The following HERC3 variants were observed in gnomAD, a reference collection of about 807,000 sequenced individuals.
HERC3 encodes the protein HECT and RLD domain containing E3 ubiquitin protein ligase 3.
HERC3 carries 58 observed loss-of-function variants against 129.9 expected under a neutral mutation model. The observed-to-expected ratio is 0.45, with a 90% CI of 0.36 to 0.56. HERC3 has a LOEUF of 0.56. Ranked by LOEUF, HERC3 falls within the 20% of genes least tolerant of loss-of-function variation. The pLI, the probability that HERC3 is intolerant of heterozygous loss-of-function variation, is 0.00. For missense variants in HERC3, 835 were observed against 1,244.2 expected (o/e 0.67, Z 4.95); for synonymous variants, 430 against 451.0 (o/e 0.95, Z 0.59).
chr4:88,549,495 C>T, the HERC3 span, among the ~76,000 whole-genome samples: 1 of 152,022 alleles, frequency 6.6e-6, no homozygotes, highest in Non-Finnish European at 1.5e-5. Context: ...CCCAAATAGA[C>T]ATTATTTTCA....
intron 25 of HERC3, among the ~76,000 whole-genome samples, chr4:88,705,746 T>C (rs1367700745): frequency 6.6e-6 from 1 of 152,238 alleles, no homozygotes; most frequent in Non-Finnish European, 1.5e-5. Flanking sequence ...ATTTTAGTCA[T>C]GTAAAATCAA....
intron 9 of HERC3, among the ~76,000 whole-genome samples, chr4:88,658,106 C>A (rs958323564): frequency 4.6e-5 from 7 of 151,982 alleles, no homozygotes; most frequent in African/African-American, 1.7e-4. Flanking sequence ...AGAATAGTGC[C>A]CATTTCAGAT....
chr4:88,584,975 A>T, the HERC3 span, among the ~76,000 whole-genome samples: 1 of 152,242 alleles, frequency 6.6e-6, no homozygotes, highest in Non-Finnish European at 1.5e-5. Context: ...TACATAGACT[A>T]GATAGCTTAT....
At chr4:88,679,037 T>C (rs1732469591) in intron 19 of HERC3, among the ~76,000 whole-genome samples, 1 of 152,228 alleles carries the variant, frequency 6.6e-6, no homozygotes, top group Admixed American at 6.5e-5. Flanking sequence ...TGTCCTGCTC[T>C]AGGCAATCTT....
At chr4:88,682,006 A>G (rs1732832655) in intron 21 of HERC3, among the ~76,000 whole-genome samples, 1 of 152,258 alleles carries the variant, frequency 6.6e-6, no homozygotes, top group Admixed American at 6.5e-5. Flanking sequence ...GATGTGGAAC[A>G]TGTGAATATG....
chr4:88,687,923 TATTAA>T (rs1320359974), intron 23 of HERC3, among the ~76,000 whole-genome samples: 7 of 152,220 alleles, frequency 4.6e-5, no homozygotes, highest in Admixed American at 3.3e-4. Flanking sequence ...CTTACTTTTA[TATTAA>T]ATTATGCTAA....
Position 88,657,891 on chromosome 4 carries a change from A to G in HERC3, c.1070-524A>G, listed in dbSNP as rs59413835. Reference sequence around the variant, plus strand: ...ACATTCATGGAGAATCCCATGTGCCAGGGGCAGCAGAGGGGGGAGGCACCG... The same window carrying G: ...ACATTCATGGAGAATCCCATGTGCCGGGGGCAGCAGAGGGGGGAGGCACCG... On this transcript the variant is annotated intron_variant, in intron 9 of 25. Coordinates refer to ENST00000402738, the MANE Select transcript of HERC3 (RefSeq NM_014606.3). 2.5e-3 allele frequency among the ~76,000 whole-genome samples: 382 copies of G among 152,120 alleles called. 3 individuals carry two copies. Among genetic ancestry groups the G allele is most frequent in the African/African-American group, 9.0e-3 (373 of 41,498 alleles).
intron 9 of HERC3, 148 bp downstream of exon 9, chr4:88,656,183 A>G (rs1191143127): frequency 2.8e-6 from 2 of 707,418 alleles, no homozygotes; most frequent in Admixed American, 5.8e-5. Flanking sequence ...TTCTGTACTT[A>G]CTATGCATGA....
the HERC3 span, among the ~76,000 whole-genome samples, chr4:88,564,372 G>A: frequency 8.5e-5 from 13 of 152,154 alleles, no homozygotes; most frequent in African/African-American, 3.1e-4. Flanking sequence ...TTCCTTAAGT[G>A]TTTAGCAAAA....
the HERC3 span, chr4:88,528,048 C>A: frequency 3.4e-6 from 1 of 296,852 alleles, no homozygotes. Context: ...AGTTTCACGC[C>A]AATTTCCTGT....
the HERC3 span, among the ~76,000 whole-genome samples, chr4:88,574,674 T>G: frequency 2.0e-5 from 3 of 152,252 alleles, no homozygotes; most frequent in Admixed American, 2.0e-4. Flanking sequence ...TCATACAATA[T>G]TTATCTTTTT....
intron 3 of HERC3, among the ~76,000 whole-genome samples, chr4:88,633,801 T>C (rs1343257068): frequency 6.6e-6 from 1 of 152,154 alleles, no homozygotes; most frequent in Non-Finnish European, 1.5e-5. Context: ...TATTGGAAGA[T>C]TATTAAAAGT....
intron 20 of HERC3, 182 bp from the exon 21 acceptor site, chr4:88,680,977 C>A (rs1055079696): frequency 2.9e-5 from 28 of 977,736 alleles, no homozygotes; most frequent in Non-Finnish European, 3.4e-5. Flanking sequence ...TTAACTCTGT[C>A]TACATTGCAT....
the HERC3 span, among the ~76,000 whole-genome samples, chr4:88,543,492 G>A: frequency 1.3e-5 from 2 of 152,204 alleles, no homozygotes; most frequent in African/African-American, 4.8e-5. Flanking sequence ...TCAATATCAT[G>A]AAAATGGTCA....
chr4:88,544,789 A>T, the HERC3 span, among the ~76,000 whole-genome samples: 1 of 152,144 alleles, frequency 6.6e-6, no homozygotes, highest in East Asian at 1.9e-4. Context: ...GAAGCTGGAA[A>T]CCATCATTCT....
At chr4:88,562,677 C>T in the HERC3 span, among the ~76,000 whole-genome samples, 2 of 152,030 alleles carry the variant, frequency 1.3e-5, no homozygotes, top group Non-Finnish European at 2.9e-5. Flanking sequence ...TTGATTTTTC[C>T]GTATGGCAAG....
At chr4:88,658,024 G>T (rs1730102450) in intron 9 of HERC3, among the ~76,000 whole-genome samples, 1 of 152,190 alleles carries the variant, frequency 6.6e-6, no homozygotes, top group Non-Finnish European at 1.5e-5. Flanking sequence ...GGAAACGGAG[G>T]TCCTTCCGTG....
the HERC3 span, among the ~76,000 whole-genome samples, chr4:88,547,040 CT>C: frequency 6.6e-6 from 1 of 152,210 alleles, no homozygotes; most frequent in Admixed American, 6.5e-5. Context: ...CTTCCTTAAC[CT>C]TTTTTTCTTT....
At chr4:88,643,279 C>CTT (rs1728330714) in intron 3 of HERC3, among the ~76,000 whole-genome samples, 1 of 152,136 alleles carries the variant, frequency 6.6e-6, no homozygotes, top group African/African-American at 2.4e-5. Flanking sequence ...GATTAAGGCC[C>CTT]TTAACGTATT....
Sources: allele counts gnomAD v4.1 joint callset (sites outside exome capture counted in the v4.1 genomes callset), GRCh38; gene constraint gnomAD v4.1.1; transcripts MANE v1.5; gene names NCBI Gene and HGNC (gene_info 2026-07-23, HGNC 2026-07-21).